Variants in EPS15L1 observed in about 807,000 individuals in gnomAD.
The protein encoded by EPS15L1 is epidermal growth factor receptor pathway substrate 15 like 1.
In EPS15L1, 43 loss-of-function variants were observed where a neutral mutation model predicts 117.1. The observed-to-expected ratio is 0.37, with a 90% CI of 0.29 to 0.47. EPS15L1 has a LOEUF of 0.47. Among genes scored for constraint, EPS15L1 ranks in the 20% least tolerant of loss-of-function variants. EPS15L1 has a pLI of 0.99. For missense variants in EPS15L1, 981 were observed against 1,164.0 expected (o/e 0.84, Z 2.29); for synonymous variants, 459 against 470.5 (o/e 0.98, Z 0.32).
intron 6 of EPS15L1, among the ~76,000 whole-genome samples, chr19:16,435,594 G>A (rs1778568816): frequency 6.6e-6 from 1 of 151,912 alleles, no homozygotes; most frequent in South Asian, 2.1e-4. Flanking sequence ...TGAGATCACC[G>A]GCAGACACCG....
chr19:16,377,778 C>T (rs2092314146), intron 21 of EPS15L1, among the ~76,000 whole-genome samples: 1 of 152,232 alleles, frequency 6.6e-6, no homozygotes, highest in African/African-American at 2.4e-5. Context: ...TCCTCCATGC[C>T]TCTGGGCTGC....
intron 15 of EPS15L1, among the ~76,000 whole-genome samples, chr19:16,403,259 G>T (rs1346369256): frequency 1.3e-5 from 2 of 152,180 alleles, no homozygotes; most frequent in African/African-American, 4.8e-5. Flanking sequence ...AGAGGGTGGG[G>T]GCGTCCCAGG....
intron 12 of EPS15L1, among the ~76,000 whole-genome samples, chr19:16,414,690 C>T (rs561015236): frequency 1.3e-5 from 2 of 151,294 alleles, no homozygotes; most frequent in Non-Finnish European, 2.9e-5. Flanking sequence ...TGAGCCAACA[C>T]GCCTGGCCTT....
intron 18 of EPS15L1, among the ~76,000 whole-genome samples, chr19:16,393,501 T>A (rs1392114346): frequency 6.6e-6 from 1 of 151,106 alleles, no homozygotes; most frequent in East Asian, 1.9e-4. Flanking sequence ...TACAAAAAAT[T>A]AGCCGGGCGT....
intron 22 of EPS15L1, among the ~76,000 whole-genome samples, chr19:16,364,868 C>T (rs545367566): frequency 6.6e-6 from 1 of 152,228 alleles, no homozygotes; most frequent in African/African-American, 2.4e-5. Context: ...CCCACCAGCT[C>T]GGCTCCCTTC....
Position 16,465,068 on chromosome 19 carries a change from G to A in EPS15L1, c.33+6845C>T, listed in dbSNP as rs1400415393. ...CACTCCAGCCTGGGCAACAGAGCGA[G>A]ACTTAGTCTCAAAAAAAAAAAAAAA... On this transcript the variant is annotated intron_variant, in intron 1 of 23. Coordinates refer to ENST00000455140, the MANE Select transcript of EPS15L1 (RefSeq NM_001258374.3). Among the ~76,000 whole-genome samples, 12 of 147,656 alleles carry A rather than the reference G, an allele frequency of 8.1e-5. 1 individual carries two copies. The highest frequency in any genetic ancestry group is 2.1e-4 in the South Asian group (1 of 4,712).
chr19:16,465,562 A>C (rs2093296994), intron 1 of EPS15L1, among the ~76,000 whole-genome samples: 1 of 152,160 alleles, frequency 6.6e-6, no homozygotes, highest in Non-Finnish European at 1.5e-5. Context: ...GCATGCCTGT[A>C]GTCTCAGTTC....
At chr19:16,460,028 C>A (rs2093233499) in intron 1 of EPS15L1, among the ~76,000 whole-genome samples, 1 of 152,204 alleles carries the variant, frequency 6.6e-6, no homozygotes, top group Admixed American at 6.5e-5. Context: ...GTAATCCCAA[C>A]ACTTTGGAGA....
chr19:16,359,857 A>G (rs1437694838), intron 23 of EPS15L1, among the ~76,000 whole-genome samples: 1 of 151,680 alleles, frequency 6.6e-6, no homozygotes, highest in Non-Finnish European at 1.5e-5. Context: ...AGCGAGACTC[A>G]TCTCCAAATA....
chr19:16,401,945 C>T (rs2092605346), intron 16 of EPS15L1: 1 of 1,026,678 alleles, frequency 9.7e-7, no homozygotes, highest in Non-Finnish European at 1.2e-6. Flanking sequence ...GTCCCCTGCC[C>T]CCTGATTAGT....
intron 1 of EPS15L1, among the ~76,000 whole-genome samples, chr19:16,456,149 G>A (rs1002757654): frequency 1.3e-5 from 2 of 152,014 alleles, no homozygotes; most frequent in East Asian, 2.0e-4. Context: ...GCAGCGAGCC[G>A]AGGTTGTGCC....
intron 1 of EPS15L1, among the ~76,000 whole-genome samples, chr19:16,445,581 T>A (rs1599663147): frequency 6.6e-6 from 1 of 152,142 alleles, no homozygotes; most frequent in African/African-American, 2.4e-5. Flanking sequence ...GCGACAGAAC[T>A]GAAGACACAT....
chr19:16,403,602 A>T (rs2144834967), intron 15 of EPS15L1, 131 bp downstream of exon 15: 1 of 874,876 alleles, frequency 1.1e-6, no homozygotes, highest in East Asian at 2.5e-5. Context: ...CCAGGCCAGC[A>T]CCACAGCCTC....
chr19:16,382,106 G>C (rs558939713), intron 21 of EPS15L1, among the ~76,000 whole-genome samples: 9 of 152,302 alleles, frequency 5.9e-5, no homozygotes, highest in Non-Finnish European at 8.8e-5. Flanking sequence ...CAGGCTGACC[G>C]GGGACACCTC....
chr19:16,389,316 T>G (rs1252595909), intron 19 of EPS15L1, among the ~76,000 whole-genome samples: 2 of 151,852 alleles, frequency 1.3e-5, no homozygotes, highest in Admixed American at 1.3e-4. Flanking sequence ...TAGCTGGGTG[T>G]GGAGGTACAT....
At position 16,404,848 on chromosome 19, in the gene EPS15L1, C is replaced by T. The variant is rs113013807; in HGVS notation, c.1267-99G>A. On this transcript the variant is annotated intron_variant, in intron 13 of 23. Transcript: ENST00000455140. The surrounding 1 kb of genome is among the most constrained non-coding windows in gnomAD (Gnocchi z 4.2). ...GGGCCAGAAGTCCAGGGGAAGCCTCCGAAACCACCCACTGTGACCGTGCTC... is the reference window on the plus strand; with the variant it reads ...GGGCCAGAAGTCCAGGGGAAGCCTCTGAAACCACCCACTGTGACCGTGCTC... 45 of 1,312,892 alleles carry T rather than the reference C, an allele frequency of 3.4e-5. No homozygotes were observed. The highest frequency in any genetic ancestry group is 2.5e-4 in the African/African-American group (17 of 68,910). 81.3% of individuals were successfully genotyped at this position (1,312,892 alleles called of 1,614,324 possible).
intron 9 of EPS15L1, among the ~76,000 whole-genome samples, chr19:16,424,784 C>T (rs1292613887): frequency 6.6e-6 from 1 of 152,002 alleles, no homozygotes; most frequent in Non-Finnish European, 1.5e-5. Flanking sequence ...CCTCAGCCTC[C>T]CGAGTGGCTG....
At chr19:16,418,627 C>T (rs189412142) in intron 10 of EPS15L1, among the ~76,000 whole-genome samples, 63 of 152,264 alleles carry the variant, frequency 4.1e-4, no homozygotes, top group African/African-American at 1.4e-3. Flanking sequence ...TTGTTATGAA[C>T]GGAACGTTTA....
In EPS15L1 at chr19:16,377,111, A is replaced by G. The variant is rs951183544; in HGVS notation, c.2380+11T>C. 6.3e-7 allele frequency: 1 copy of G among 1,586,618 alleles called. No homozygotes were observed. The highest frequency in any genetic ancestry group is 8.6e-7 in the Non-Finnish European group (1 of 1,169,038). On this transcript the variant is annotated intron_variant, in intron 22 of 23. Coordinates refer to ENST00000455140, the MANE Select transcript of EPS15L1 (RefSeq NM_001258374.3). ...GTAGGCGGTGGCTGCGAGAGAAGAA[A>G]GCTTACTGACCGCTGGGCGGTTTAG...
Sources: gnomAD v4.1 joint callset for allele counts (sites outside exome capture counted in the v4.1 genomes callset) on GRCh38, gnomAD v4.1.1 for gene constraint, Gnocchi (gnomAD v3.1) non-coding constraint, MANE v1.5 for transcripts, NCBI Gene and HGNC (gene_info 2026-07-23, HGNC 2026-07-21) for gene names.